The following SMIM36 variants were observed in gnomAD, a reference collection of about 807,000 sequenced individuals.
SMIM36 encodes small integral membrane protein 36.
chr17:55,529,267 C>T, the SMIM36 span, among the ~76,000 whole-genome samples: 1 of 152,138 alleles, frequency 6.6e-6, no homozygotes, highest in Admixed American at 6.5e-5. Flanking sequence ...GTTTGTTTTA[C>T]AAATAAGCAG....
chr17:55,496,499 C>T (rs868234519), intron 1 of SMIM36, among the ~76,000 whole-genome samples: 11 of 152,180 alleles, frequency 7.2e-5, no homozygotes, highest in Admixed American at 1.3e-4. Flanking sequence ...TTATCTGGAA[C>T]ACTGGCAGCC....
exon 5 of SMIM36, chr17:55,450,118 G>C (rs1469488183): frequency 3.3e-5 from 5 of 152,204 alleles, no homozygotes. Flanking sequence ...GGCAGGAGAA[G>C]TTTTGAGAGA....
At chr17:55,465,085 A>C (rs113728124) in intron 4 of SMIM36, among the ~76,000 whole-genome samples, 2,464 of 152,366 alleles carry the variant, frequency 0.016, 47 homozygotes, top group Middle Eastern at 0.068. Flanking sequence ...GTGGGCAGCA[A>C]GAGAGCTCTG....
intron 4 of SMIM36, among the ~76,000 whole-genome samples, chr17:55,457,277 A>G (rs1267508483): frequency 1.3e-5 from 2 of 151,684 alleles, no homozygotes; most frequent in African/African-American, 4.8e-5. Context: ...GTGAAACCCC[A>G]TCCCTACTAA....
chr17:55,518,437 A>C, the SMIM36 span, among the ~76,000 whole-genome samples: 1 of 152,240 alleles, frequency 6.6e-6, no homozygotes, highest in Non-Finnish European at 1.5e-5. Flanking sequence ...TGGGTTCAAC[A>C]AAGGCAGTGA....
At chr17:55,464,484 T>TA (rs1178113657) in intron 4 of SMIM36, among the ~76,000 whole-genome samples, 1 of 151,434 alleles carries the variant, frequency 6.6e-6, no homozygotes, top group African/African-American at 2.4e-5. Context: ...AGAATCAGGT[T>TA]AAAAAACAAA....
intron 4 of SMIM36, among the ~76,000 whole-genome samples, chr17:55,456,833 C>T (rs983327055): frequency 1.3e-5 from 2 of 152,116 alleles, no homozygotes; most frequent in African/African-American, 4.8e-5. Flanking sequence ...TTCAGGTCAC[C>T]CTTGGTGTTA....
At chr17:55,475,969 C>G (rs140716255) in intron 3 of SMIM36, among the ~76,000 whole-genome samples, 7 of 152,264 alleles carry the variant, frequency 4.6e-5, no homozygotes, top group Non-Finnish European at 8.8e-5. Context: ...CGAAGCAGCC[C>G]TGAGAAACAT....
intron 1 of SMIM36, among the ~76,000 whole-genome samples, chr17:55,487,316 C>A (rs1044737343): frequency 6.6e-6 from 1 of 152,090 alleles, no homozygotes; most frequent in Non-Finnish European, 1.5e-5. Context: ...TAAACCTGCA[C>A]GTTGTGCACA....
rs183818980 is a variant in SMIM36, at chr17:55,500,216, C to T, written c.*174+10663G>A. On this transcript the variant is annotated intron_variant, in intron 1 of 4. Transcript: ENST00000636752. Reference sequence around the variant, plus strand: ...CATGGCTCACTGCAGCCTCAAATTCCTTGGCTCAAGCGATCTTTCTGCCTT... The same window carrying T: ...CATGGCTCACTGCAGCCTCAAATTCTTTGGCTCAAGCGATCTTTCTGCCTT... Among the ~76,000 whole-genome samples, 48 of 152,094 alleles carry T rather than the reference C, an allele frequency of 3.2e-4. No individual in the cohort carries two copies. The East Asian group carries it at 8.1e-3, about 26-fold the overall frequency.
At chr17:55,457,897 A>C (rs1909057548) in intron 4 of SMIM36, among the ~76,000 whole-genome samples, 1 of 152,184 alleles carries the variant, frequency 6.6e-6, no homozygotes, top group African/African-American at 2.4e-5. Context: ...ACTAAAGGGA[A>C]AAATACTTGA....
At chr17:55,512,301 A>G (rs1910195194), upstream of SMIM36, among the ~76,000 whole-genome samples, 1 of 152,238 alleles carries the variant, frequency 6.6e-6, no homozygotes, top group African/African-American at 2.4e-5. Context: ...ACTGGAGCAT[A>G]AAGAGAATGG....
At chr17:55,474,144 G>A (rs949590503) in intron 3 of SMIM36, among the ~76,000 whole-genome samples, 2 of 152,168 alleles carry the variant, frequency 1.3e-5, no homozygotes, top group Non-Finnish European at 2.9e-5. Context: ...TGTTGGAGAC[G>A]TGAGTCTTGC....
At chr17:55,472,263 C>T (rs1445657339) in intron 3 of SMIM36, among the ~76,000 whole-genome samples, 1 of 152,254 alleles carries the variant, frequency 6.6e-6, no homozygotes, top group African/African-American at 2.4e-5. Flanking sequence ...TCATGTCCCA[C>T]ACCTCCATTA....
the SMIM36 span, among the ~76,000 whole-genome samples, chr17:55,529,914 C>T: frequency 2.6e-5 from 4 of 152,190 alleles, no homozygotes; most frequent in Non-Finnish European, 4.4e-5. Flanking sequence ...CTTCATTGCT[C>T]ATTTAGGTAA....
chr17:55,508,307 A>G (rs888233325), intron 1 of SMIM36, among the ~76,000 whole-genome samples: 3 of 151,794 alleles, frequency 2.0e-5, no homozygotes, highest in African/African-American at 4.8e-5. Flanking sequence ...AAAACGCAAT[A>G]AAAAGGTGTC....
intron 4 of SMIM36, among the ~76,000 whole-genome samples, chr17:55,458,658 C>T (rs1432825236): frequency 1.3e-5 from 2 of 150,128 alleles, no homozygotes; most frequent in Non-Finnish European, 3.0e-5. Context: ...AGCAGCTGGT[C>T]GTTGAGAAGA....
chr17:55,525,088 A>G, the SMIM36 span, among the ~76,000 whole-genome samples: 1 of 152,328 alleles, frequency 6.6e-6, no homozygotes, highest in African/African-American at 2.4e-5. Context: ...GTGGCAATGG[A>G]GCCTGCACCT....
At chr17:55,490,585 C>G (rs1909684972) in intron 1 of SMIM36, among the ~76,000 whole-genome samples, 1 of 152,098 alleles carries the variant, frequency 6.6e-6, no homozygotes, top group Admixed American at 6.6e-5. Context: ...CCAAATCTGC[C>G]GTATGGTCTC....
Sources: gnomAD v4.1 joint callset for allele counts (sites outside exome capture counted in the v4.1 genomes callset) on GRCh38, gnomAD v4.1.1 for gene constraint, MANE v1.5 for transcripts, NCBI Gene and HGNC (gene_info 2026-07-23, HGNC 2026-07-21) for gene names.